Variants in EFCAB8 observed in about 807,000 individuals in gnomAD.
The protein encoded by EFCAB8 is EF-hand calcium-binding domain-containing protein 8.
EFCAB8 carries 100 observed loss-of-function variants against 116.3 expected under a neutral mutation model. That is an observed-to-expected ratio of 0.86 (90% CI 0.73 to 1.02). EFCAB8 has a LOEUF of 1.02. Ranked by LOEUF, EFCAB8 falls within the 50% of genes least tolerant of loss-of-function variation. The pLI, the probability that EFCAB8 is intolerant of heterozygous loss-of-function variation, is 0.00. For missense variants in EFCAB8, 1,320 were observed against 1,416.9 expected (o/e 0.93, Z 1.10); for synonymous variants, 558 against 567.9 (o/e 0.98, Z 0.25).
At chr20:32,883,582 A>G (rs1171642513) in intron 5 of EFCAB8, among the ~76,000 whole-genome samples, 1 of 152,214 alleles carries the variant, frequency 6.6e-6, no homozygotes, top group Non-Finnish European at 1.5e-5. Context: ...GTTCATTCCC[A>G]TGATACAATC....
At chr20:32,929,422 T>G (rs1171801708) in intron 20 of EFCAB8, among the ~76,000 whole-genome samples, 1 of 151,558 alleles carries the variant, frequency 6.6e-6, no homozygotes, top group African/African-American at 2.4e-5. Context: ...GAGATTTTTT[T>G]CTTTCTTTTC....
chr20:32,951,499 A>T (rs758171731), intron 23 of EFCAB8, among the ~76,000 whole-genome samples: 1 of 152,202 alleles, frequency 6.6e-6, no homozygotes, highest in Non-Finnish European at 1.5e-5. Context: ...ATTTTAGGAA[A>T]TGCAAACAAA....
intron 22 of EFCAB8, among the ~76,000 whole-genome samples, chr20:32,939,201 TTC>T (rs770969954): frequency 2.3e-3 from 175 of 76,412 alleles, no homozygotes; most frequent in Non-Finnish European, 3.8e-3. Context: ...CTTTCTTTCT[TTC>T]CTCTCTCTCT....
intron 1 of EFCAB8, 143 bp downstream of exon 1, chr20:32,859,149 C>T (rs910546728): frequency 2.6e-5 from 11 of 419,266 alleles, no homozygotes; most frequent in African/African-American, 2.3e-4. Flanking sequence ...AAGTCATCTG[C>T]CTCTACAAAT....
chr20:32,920,048 G>A (rs527720976), intron 19 of EFCAB8, 30 bp from the exon 20 acceptor site: 1 of 1,551,632 alleles, frequency 6.4e-7, no homozygotes, highest in Non-Finnish European at 8.7e-7. Context: ...ACACCCTCAT[G>A]GTGACTTGGG....
intron 1 of EFCAB8, among the ~76,000 whole-genome samples, chr20:32,860,656 G>A (rs1984066889): frequency 6.6e-6 from 1 of 151,840 alleles, no homozygotes; most frequent in Non-Finnish European, 1.5e-5. Flanking sequence ...ACAGACGTCA[G>A]CCATTGTGCC....
At chr20:32,907,836 G>C (rs1600410054) in intron 13 of EFCAB8, among the ~76,000 whole-genome samples, 1 of 152,176 alleles carries the variant, frequency 6.6e-6, no homozygotes, top group Non-Finnish European at 1.5e-5. Context: ...TCTAGGGAAA[G>C]TTCCTCCACC....
chr20:32,946,309 T>C (rs962764146), intron 23 of EFCAB8, among the ~76,000 whole-genome samples: 1 of 152,236 alleles, frequency 6.6e-6, no homozygotes. Context: ...AAGCTGGTGG[T>C]TCCTTCCCAA....
chr20:32,882,838 G>C (rs1263262453), intron 5 of EFCAB8, among the ~76,000 whole-genome samples: 1 of 152,130 alleles, frequency 6.6e-6, no homozygotes, highest in Admixed American at 6.5e-5. Context: ...TGGGACTACA[G>C]GCGCCCACCA....
intron 1 of EFCAB8, among the ~76,000 whole-genome samples, chr20:32,860,813 AC>A (rs1855416688): frequency 6.6e-6 from 1 of 152,008 alleles, no homozygotes; most frequent in African/African-American, 2.4e-5. Flanking sequence ...ATTACAGTTC[AC>A]TACGGCCTCA....
intron 6 of EFCAB8, among the ~76,000 whole-genome samples, chr20:32,888,786 C>G (rs1985761369): frequency 6.6e-6 from 1 of 152,076 alleles, no homozygotes; most frequent in Non-Finnish European, 1.5e-5. Flanking sequence ...TGGGTGGTGT[C>G]CATGGTGTGG....
chr20:32,860,861 C>G (rs1000482663), intron 1 of EFCAB8, among the ~76,000 whole-genome samples: 1 of 152,106 alleles, frequency 6.6e-6, no homozygotes. Flanking sequence ...ATCTCACCCT[C>G]TTGAGTAGCT....
chr20:32,873,387 CTT>C (rs1387349537), intron 3 of EFCAB8, among the ~76,000 whole-genome samples: 2 of 151,552 alleles, frequency 1.3e-5, no homozygotes. Flanking sequence ...CCCAGAAGCA[CTT>C]TTTAAAGATT....
chr20:32,919,364 A>G (rs1159454975), intron 19 of EFCAB8, among the ~76,000 whole-genome samples: 1 of 152,220 alleles, frequency 6.6e-6, no homozygotes, highest in Non-Finnish European at 1.5e-5. Flanking sequence ...CTGCTAGGAT[A>G]TAATTTTGCT....
At position 32,867,666 on chromosome 20, in the gene EFCAB8, C is replaced by T; in HGVS notation, c.127C>T (p.Gln43Ter). Reference protein sequence around the residue: ...SITLSQVPDLQPGSQLFTEIH... With the variant: ...SITLSQVPDL ...CACCCTTAGCCAGGTGCCTGACCTC[C>T]AGCCTGGGTCCCAGCTGTTTACTGA... Residue 43 changes from glutamine (Q) to a stop codon, truncating the protein, a stop_gained, in exon 3 of 27, where the codon CAG (glutamine) becomes TAG (stop). Transcript: ENST00000400522. LOFTEE classifies it high-confidence loss of function. 2 of 1,551,652 alleles carry T rather than the reference C, an allele frequency of 1.3e-6. No individual in the cohort carries two copies. The highest frequency in any genetic ancestry group is 1.7e-6 in the Non-Finnish European group (2 of 1,146,988).
At chr20:32,929,169 A>G (rs1316768098) in intron 20 of EFCAB8, among the ~76,000 whole-genome samples, 2 of 150,182 alleles carry the variant, frequency 1.3e-5, no homozygotes, top group African/African-American at 2.4e-5. Context: ...TCTTTGTCTG[A>G]CTTTGATATC....
Position 32,909,938 on chromosome 20 carries a change from G to A in EFCAB8, c.1557+7G>A. On this transcript the variant is annotated splice_region_variant and intron_variant, in intron 15 of 26. Coordinates refer to ENST00000400522, the MANE Select transcript of EFCAB8 (RefSeq NM_001143967.2). ...CAGCAAGATCTTTAAGCAGGTGAGT[G>A]GCCCAGGGCTCGCCTCTGAGGCTGG... 1 of 1,242,672 alleles carries A rather than the reference G, an allele frequency of 8.0e-7. No homozygotes were observed. Among genetic ancestry groups the A allele is most frequent in the Non-Finnish European group, 1.0e-6 (1 of 982,238 alleles). The allele number at this position is 1,242,672 out of a possible 1,614,324, so 77.0% of individuals were successfully genotyped here.
intron 6 of EFCAB8, among the ~76,000 whole-genome samples, chr20:32,888,269 G>A (rs1324541453): frequency 6.6e-6 from 1 of 151,560 alleles, no homozygotes; most frequent in Non-Finnish European, 1.5e-5. Flanking sequence ...TCTGTCACCC[G>A]GGCTGGAGTG....
chr20:32,877,581 T>G (rs1568903244), intron 4 of EFCAB8, among the ~76,000 whole-genome samples: 1 of 152,222 alleles, frequency 6.6e-6, no homozygotes, highest in Non-Finnish European at 1.5e-5. Flanking sequence ...AGAAAAAGAA[T>G]AAAAAGCAAT....
Sources: gnomAD v4.1 joint callset for allele counts (sites outside exome capture counted in the v4.1 genomes callset) on GRCh38, gnomAD v4.1.1 for gene constraint, MANE v1.5 for transcripts, NCBI Gene and HGNC (gene_info 2026-07-23, HGNC 2026-07-21) for gene names.